The following ESCO2 variants were observed in gnomAD, a reference collection of about 807,000 sequenced individuals.
ESCO2 encodes the protein establishment of sister chromatid cohesion N-acetyltransferase 2, also known as N-acetyltransferase ESCO2.
In ESCO2, 51 loss-of-function variants were observed where a neutral mutation model predicts 61.7. The ratio of observed to expected loss-of-function variants is 0.83; its 90% CI spans 0.66 to 1.04. ESCO2 has a LOEUF of 1.04. ESCO2 is among the 50% of genes least tolerant of loss of function. The probability of loss-of-function intolerance (pLI) is 0.00; values close to 1 mark genes in which losing one functional copy is unlikely to be tolerated. For synonymous variants in ESCO2, 230 were observed against 238.2 expected (o/e 0.97, Z 0.32); for missense variants, 692 against 686.2 (o/e 1.01, Z -0.09).
chr8:27,789,781 C>CAAA lies in ESCO2; in HGVS notation c.1263+818_1263+820dup, dbSNP rs905844657. 3.4e-3 allele frequency among the ~76,000 whole-genome samples: 195 copies of CAAA among 56,536 alleles called. 2 individuals are homozygous for CAAA. The highest frequency in any genetic ancestry group is 9.9e-3 in the African/African-American group (177 of 17,840). 37.1% of individuals were successfully genotyped at this position (56,536 alleles called of 152,430 possible). On this transcript the variant is annotated intron_variant, in intron 7 of 10. Coordinates refer to ENST00000305188, the MANE Select transcript of ESCO2 (RefSeq NM_001017420.3). The stretch of plus-strand genomic sequence containing the variant: ...GGGTGACAAGAGCAAAACTCCATCT[C>CAAA]AAAAAAAAAAAAAAAAAGCCATAGA...
downstream of ESCO2, among the ~76,000 whole-genome samples, chr8:27,814,794 C>G (rs1179085799): frequency 6.6e-6 from 1 of 152,044 alleles, no homozygotes; most frequent in Non-Finnish European, 1.5e-5. Context: ...TTTCCAAATA[C>G]TTGGGGTTTC....
At chr8:27,782,809 C>G (rs936575180) in intron 4 of ESCO2, among the ~76,000 whole-genome samples, 1 of 151,762 alleles carries the variant, frequency 6.6e-6, no homozygotes, top group Non-Finnish European at 1.5e-5. Flanking sequence ...TGTCTTTATC[C>G]TTATAACTTC....
chr8:27,772,546 C>T (rs1271042142), upstream of ESCO2: 6 of 1,549,290 alleles, frequency 3.9e-6, no homozygotes, highest in African/African-American at 5.5e-5. Flanking sequence ...ACCATGATCC[C>T]GGGAGCGGTG....
At chr8:27,813,947 G>T (rs962147716), downstream of ESCO2, among the ~76,000 whole-genome samples, 10 of 151,694 alleles carry the variant, frequency 6.6e-5, no homozygotes, top group Admixed American at 3.3e-4. Context: ...TACATAGCAG[G>T]TGTACATGTT....
chr8:27,808,500 C>A (rs1405588113), downstream of ESCO2, among the ~76,000 whole-genome samples: 1 of 150,236 alleles, frequency 6.7e-6, no homozygotes, highest in Non-Finnish European at 1.5e-5. Context: ...TTGGTAAAAC[C>A]CTGTCTCTAC....
chr8:27,802,464 G>A (rs1272676318), intron 10 of ESCO2, among the ~76,000 whole-genome samples: 3 of 148,974 alleles, frequency 2.0e-5, no homozygotes, highest in African/African-American at 7.4e-5. Context: ...CAAATTAGCC[G>A]GGTGTGGTGG....
chr8:27,797,765 A>G (rs986890436), intron 9 of ESCO2, among the ~76,000 whole-genome samples: 17 of 152,210 alleles, frequency 1.1e-4, no homozygotes, highest in African/African-American at 4.1e-4. Flanking sequence ...CCTATAATAT[A>G]ACAGCCTATT....
intron 4 of ESCO2, among the ~76,000 whole-genome samples, chr8:27,782,687 A>G (rs1352126351): frequency 1.3e-5 from 2 of 150,416 alleles, no homozygotes; most frequent in African/African-American, 4.9e-5. Flanking sequence ...TTCCCTTTGT[A>G]GAATTCCATA....
chr8:27,775,062 G>C (rs1042427007), intron 1 of ESCO2, among the ~76,000 whole-genome samples: 1 of 152,196 alleles, frequency 6.6e-6, no homozygotes, highest in Admixed American at 6.5e-5. Context: ...GAATTCTGAC[G>C]AGCCACGTAG....
chr8:27,793,915 G>T (rs1369510553), intron 9 of ESCO2, among the ~76,000 whole-genome samples: 1 of 152,074 alleles, frequency 6.6e-6, no homozygotes, highest in East Asian at 1.9e-4. Context: ...CACTCCCCCA[G>T]CCTCTGGCAA....
rs1038023048 is a variant in ESCO2, at chr8:27,804,846, C to A, written c.*1408C>A. 1.2e-6 allele frequency: 1 copy of A among 823,586 alleles called. No individual in the cohort carries two copies. Among genetic ancestry groups the A allele is most frequent in the South Asian group, 5.5e-5 (1 of 18,120 alleles). 51.0% of individuals were successfully genotyped at this position (823,586 alleles called of 1,614,324 possible). A position where few individuals can be genotyped will look rare whatever the true frequency, so the allele number is the denominator to read the frequency against. On this transcript the variant is annotated 3_prime_UTR_variant, in exon 11 of 11. Transcript: ENST00000305188. ...TATTTTATTTAAAATTTTTAATTAA[C>A]ATTTTGTTTGCTTAATGCTTTTGTT...
At chr8:27,806,679 G>C (rs1805570963), downstream of ESCO2, among the ~76,000 whole-genome samples, 1 of 151,126 alleles carries the variant, frequency 6.6e-6, no homozygotes, top group Admixed American at 6.6e-5. Flanking sequence ...GAGTGCATTG[G>C]CACTATCTTG....
At chr8:27,817,266 C>T (rs1383108025), downstream of ESCO2, among the ~76,000 whole-genome samples, 2 of 152,032 alleles carry the variant, frequency 1.3e-5, no homozygotes, top group African/African-American at 2.4e-5. Flanking sequence ...ATGTAACCTT[C>T]AGCATAAACC....
intron 7 of ESCO2, among the ~76,000 whole-genome samples, chr8:27,790,964 T>TA (rs1033403363): frequency 1.1e-4 from 16 of 152,216 alleles, no homozygotes; most frequent in East Asian, 3.8e-4. Flanking sequence ...TCCTTCTCTG[T>TA]AAAAAATGTC....
At chr8:27,777,274 G>A (rs1804816237) in intron 3 of ESCO2, 105 bp downstream of exon 3, 2 of 1,032,050 alleles carry the variant, frequency 1.9e-6, no homozygotes, top group Admixed American at 5.5e-5. Context: ...TATAAAGCCA[G>A]ATAGCATAGT....
At chr8:27,775,806 C>T in intron 2 of ESCO2, among the ~76,000 whole-genome samples, 1 of 152,166 alleles carries the variant, frequency 6.6e-6, no homozygotes, top group East Asian at 1.9e-4. Flanking sequence ...TTTCTTTTGA[C>T]ATAGAAGCAG....
chr8:27,806,776 C>T (rs1463248144), downstream of ESCO2, among the ~76,000 whole-genome samples: 1 of 152,090 alleles, frequency 6.6e-6, no homozygotes, highest in Non-Finnish European at 1.5e-5. Context: ...GCCACCACGC[C>T]CAGCTAATTT....
intron 9 of ESCO2, among the ~76,000 whole-genome samples, chr8:27,798,200 C>G (rs1187382189): frequency 6.6e-6 from 1 of 152,214 alleles, no homozygotes; most frequent in Non-Finnish European, 1.5e-5. Flanking sequence ...TGGCTCACAC[C>G]TGTAATCCTA....
chr8:27,798,089 A>G (rs1805341743), intron 9 of ESCO2, among the ~76,000 whole-genome samples: 6 of 152,216 alleles, frequency 3.9e-5, no homozygotes, highest in Admixed American at 6.5e-5. Flanking sequence ...ATATGGGGAA[A>G]CCAGATCTCT....
Sources: allele counts gnomAD v4.1 joint callset (sites outside exome capture counted in the v4.1 genomes callset), GRCh38; gene constraint gnomAD v4.1.1; transcripts MANE v1.5; gene names NCBI Gene and HGNC (gene_info 2026-07-23, HGNC 2026-07-21).